The following TMEM178B variants were observed in gnomAD, a reference collection of about 807,000 sequenced individuals.
TMEM178B encodes the protein transmembrane protein 178B.
In TMEM178B, 5 loss-of-function variants were observed where a neutral mutation model predicts 31.0. The ratio of observed to expected loss-of-function variants is 0.16; its 90% CI spans 0.08 to 0.34. The LOEUF (loss-of-function observed/expected upper bound fraction) is 0.34, where lower values mean the gene tolerates loss of function less well. TMEM178B is among the 10% of genes least tolerant of loss of function. TMEM178B has a pLI of 1.00. For synonymous variants in TMEM178B, 164 were observed against 164.0 expected (o/e 1.00, Z 0.00); for missense variants, 275 against 400.3 (o/e 0.69, Z 2.67).
At chr7:141,223,725 G>C (rs531036844) in intron 2 of TMEM178B, among the ~76,000 whole-genome samples, 1 of 152,072 alleles carries the variant, frequency 6.6e-6, no homozygotes, top group Admixed American at 6.5e-5. Context: ...GGGAAGGTTG[G>C]CACAGAATAC....
At chr7:141,075,399 TAA>T (rs1441649751) in intron 1 of TMEM178B, among the ~76,000 whole-genome samples, 2 of 151,938 alleles carry the variant, frequency 1.3e-5, no homozygotes, top group African/African-American at 4.8e-5. Context: ...AGAAAAAAAA[TAA>T]GATTTTCAGA....
intron 2 of TMEM178B, among the ~76,000 whole-genome samples, chr7:141,356,233 C>T (rs1799816076): frequency 6.6e-6 from 1 of 152,122 alleles, no homozygotes. Flanking sequence ...GGTACATGCC[C>T]AGTAATGGGA....
rs540943609 is a variant in TMEM178B at position 141,457,477 on chromosome 7, C to T, written c.635-13059C>T. On this transcript the variant is annotated intron_variant, in intron 3 of 3. Coordinates refer to ENST00000565468, the MANE Select transcript of TMEM178B (RefSeq NM_001195278.2). ...ATACAGAAGATACAGAAACTGAGGCCGAACTTAATTCAGTCTATGCCTGAA... is the reference window on the plus strand; with the variant it reads ...ATACAGAAGATACAGAAACTGAGGCTGAACTTAATTCAGTCTATGCCTGAA... Among the ~76,000 whole-genome samples the T allele has an allele frequency of 3.0e-4, 46 of 152,054 alleles. 1 individual carries two copies. The South Asian group carries it at 5.4e-3, about 18-fold the overall frequency.
At chr7:141,182,657 G>A (rs1796549314) in intron 1 of TMEM178B, among the ~76,000 whole-genome samples, 1 of 152,168 alleles carries the variant, frequency 6.6e-6, no homozygotes, top group South Asian at 2.1e-4. Context: ...ATCTCACCTT[G>A]AACTGTAGTA....
intron 2 of TMEM178B, among the ~76,000 whole-genome samples, chr7:141,402,414 C>CCCTGCTGCTCATT (rs1387384525): frequency 6.6e-6 from 1 of 152,220 alleles, no homozygotes; most frequent in African/African-American, 2.4e-5. Context: ...CCTTCCCTCC[C>CCCTGCTGCTCATT]CCTGCTGCTC....
At chr7:141,387,551 C>G (rs944020708) in intron 2 of TMEM178B, among the ~76,000 whole-genome samples, 3 of 152,178 alleles carry the variant, frequency 2.0e-5, no homozygotes, top group South Asian at 2.1e-4. Context: ...ACAAATCCCC[C>G]CTCATTCCTG....
chr7:141,212,790 G>A (rs923543038), intron 2 of TMEM178B, 86 bp downstream of exon 2: 9 of 1,047,114 alleles, frequency 8.6e-6, no homozygotes, highest in Admixed American at 6.1e-5. Context: ...CCTCCTTCTG[G>A]GATCTGTGGA....
At chr7:141,246,276 T>G (rs1307479027) in intron 2 of TMEM178B, among the ~76,000 whole-genome samples, 1 of 152,172 alleles carries the variant, frequency 6.6e-6, no homozygotes, top group Non-Finnish European at 1.5e-5. Flanking sequence ...ATCTATTACT[T>G]CTTGAGTAAA....
intron 2 of TMEM178B, among the ~76,000 whole-genome samples, chr7:141,360,554 A>T (rs1799899282): frequency 1.3e-5 from 2 of 152,232 alleles, no homozygotes; most frequent in African/African-American, 4.8e-5. Flanking sequence ...CAGTGGCTGT[A>T]GCTGTCTGAC....
chr7:141,478,858 G>A lies in TMEM178B; in HGVS notation c.*8072G>A, dbSNP rs550146289. 1 of 152,484 alleles carries A rather than the reference G, an allele frequency of 6.6e-6. No homozygotes were observed. The highest frequency in any genetic ancestry group is 2.4e-5 in the African/African-American group (1 of 41,504). The allele number at this position is 152,484 out of a possible 1,614,324, so 9.4% of individuals were successfully genotyped here. A position where few individuals can be genotyped will look rare whatever the true frequency, so the allele number is the denominator to read the frequency against. Reference sequence around the variant, plus strand: ...AGACTGATGGGGGGGGTCCTTCCTGGTGGGTCACTCACTGCCATAGCTCTT... The same window carrying A: ...AGACTGATGGGGGGGGTCCTTCCTGATGGGTCACTCACTGCCATAGCTCTT... On this transcript the variant is annotated 3_prime_UTR_variant, in exon 4 of 4. Transcript: ENST00000565468.
the TMEM178B span, among the ~76,000 whole-genome samples, chr7:141,488,300 C>G: frequency 1.3e-5 from 2 of 152,072 alleles, no homozygotes; most frequent in Non-Finnish European, 2.9e-5. Flanking sequence ...ATATAACTTT[C>G]AAATGCTGAA....
At chr7:141,131,080 T>A (rs1400582657) in intron 1 of TMEM178B, among the ~76,000 whole-genome samples, 1 of 152,192 alleles carries the variant, frequency 6.6e-6, no homozygotes. Flanking sequence ...GTAAATCTGC[T>A]TTTTTACAGG....
At chr7:141,094,449 G>A (rs1280087439) in intron 1 of TMEM178B, among the ~76,000 whole-genome samples, 1 of 152,172 alleles carries the variant, frequency 6.6e-6, no homozygotes. Flanking sequence ...TTCTATTTGG[G>A]TATGGTGGTT....
At chr7:141,152,093 T>C (rs981112026) in intron 1 of TMEM178B, among the ~76,000 whole-genome samples, 1 of 152,110 alleles carries the variant, frequency 6.6e-6, no homozygotes. Context: ...CTGTGCAGGA[T>C]TGGAGGAAGC....
intron 2 of TMEM178B, among the ~76,000 whole-genome samples, chr7:141,213,403 T>A (rs1797079611): frequency 6.6e-6 from 1 of 152,222 alleles, no homozygotes; most frequent in South Asian, 2.1e-4. Context: ...GATACATTGC[T>A]TGTCTGTGGC....
chr7:141,407,579 G>A (rs185912275), intron 2 of TMEM178B, among the ~76,000 whole-genome samples: 9 of 152,192 alleles, frequency 5.9e-5, no homozygotes, highest in Admixed American at 2.6e-4. Context: ...TCCCGATCTC[G>A]TCTGAATAGC....
chr7:141,161,059 G>A (rs1044811552), intron 1 of TMEM178B, among the ~76,000 whole-genome samples: 24 of 152,216 alleles, frequency 1.6e-4, no homozygotes, highest in Middle Eastern at 3.4e-3. Flanking sequence ...GTTTCACCAC[G>A]TTGGTCAGGC....
chr7:141,490,691 T>C, the TMEM178B span, among the ~76,000 whole-genome samples: 1 of 152,210 alleles, frequency 6.6e-6, no homozygotes, highest in South Asian at 2.1e-4. Context: ...AGAGATGCCT[T>C]TGTCATTTCA....
At chr7:141,271,736 T>C (rs1000772271) in intron 2 of TMEM178B, among the ~76,000 whole-genome samples, 3 of 152,222 alleles carry the variant, frequency 2.0e-5, no homozygotes, top group African/African-American at 7.2e-5. Context: ...GAACATTGAC[T>C]GCGGGCTTTC....
Sources: allele counts gnomAD v4.1 joint callset (sites outside exome capture counted in the v4.1 genomes callset), GRCh38; gene constraint gnomAD v4.1.1; transcripts MANE v1.5; gene names NCBI Gene and HGNC (gene_info 2026-07-23, HGNC 2026-07-21).